Variants in APOO observed in about 807,000 individuals in gnomAD.
The protein encoded by APOO is MICOS complex subunit MIC26.
Under a neutral mutation model 23.1 loss-of-function variants are expected in APOO, and 11 were observed. The ratio of observed to expected loss-of-function variants is 0.48; its 90% CI spans 0.30 to 0.79. The LOEUF (loss-of-function observed/expected upper bound fraction) is 0.79. APOO is among the 30% of genes least tolerant of loss of function. APOO has a pLI of 0.07. For missense variants in APOO, 160 were observed against 142.7 expected (o/e 1.12, Z -0.62); for synonymous variants, 59 against 54.8 (o/e 1.08, Z -0.34).
intron 7 of APOO, among the ~76,000 whole-genome samples, chrX:23,844,174 A>T (rs932758870): frequency 1.8e-5 from 2 of 112,221 alleles, no homozygotes; most frequent in Non-Finnish European, 3.8e-5. Flanking sequence ...ACAGCAAGTA[A>T]GTGCTCAATA....
intron 2 of APOO, among the ~76,000 whole-genome samples, chrX:23,879,301 C>T (rs751289815): frequency 6.3e-5 from 7 of 110,999 alleles, no homozygotes; most frequent in African/African-American, 1.3e-4. Flanking sequence ...CCAGGTGTCG[C>T]GGTAGGCGCC....
chrX:23,871,002 T>C (rs924551642), intron 4 of APOO, among the ~76,000 whole-genome samples: 1 of 108,744 alleles, frequency 9.2e-6, no homozygotes, highest in Admixed American at 1.0e-4. Context: ...GGCAGGAGAA[T>C]CGCTTGAACC....
At chrX:23,877,136 C>A (rs747866964) in intron 3 of APOO, among the ~76,000 whole-genome samples, 18 of 108,937 alleles carry the variant, frequency 1.7e-4, no homozygotes, top group Admixed American at 3.0e-4. Context: ...GCCAAAAAAA[C>A]CAAACAAACA....
intron 5 of APOO, among the ~76,000 whole-genome samples, chrX:23,867,428 C>T (rs1046220312): frequency 2.7e-5 from 3 of 111,159 alleles, no homozygotes; most frequent in East Asian, 2.9e-4. Flanking sequence ...CCATGTGATG[C>T]GCCTGCTCCC....
chrX:23,854,048 T>C (rs1323627840), intron 7 of APOO, among the ~76,000 whole-genome samples: 1 of 112,212 alleles, frequency 8.9e-6, no homozygotes, highest in Non-Finnish European at 1.9e-5. Flanking sequence ...GGCAAGGGTA[T>C]AAAGACAGAG....
At chrX:23,873,055 AAATAAAAAATAAATAAAAT>A (rs939367397) in intron 4 of APOO, among the ~76,000 whole-genome samples, 1 of 110,705 alleles carries the variant, frequency 9.0e-6, no homozygotes, top group African/African-American at 3.3e-5. Context: ...TGTCTCAAAA[AAATAAAAAATAAATAAAAT>A]AATAAAAAAT....
intron 2 of APOO, among the ~76,000 whole-genome samples, chrX:23,880,084 T>G (rs1333258018): frequency 9.1e-6 from 1 of 109,878 alleles, no homozygotes; most frequent in African/African-American, 3.3e-5. Context: ...AATTTAGTAT[T>G]TATTAAGTAC....
chrX:23,871,381 AT>A (rs1487351595), intron 4 of APOO, among the ~76,000 whole-genome samples: 12 of 104,304 alleles, frequency 1.2e-4, no homozygotes, highest in Non-Finnish European at 2.3e-4. Flanking sequence ...AAAAAAAAAA[AT>A]ACTGGATGAA....
intron 1 of APOO, among the ~76,000 whole-genome samples, chrX:23,889,901 T>C (rs1020866814): frequency 9.1e-6 from 1 of 110,005 alleles, no homozygotes; most frequent in Non-Finnish European, 1.9e-5. Context: ...GACCTCGTGA[T>C]CCGCCCACCT....
intron 1 of APOO, among the ~76,000 whole-genome samples, chrX:23,882,091 T>G (rs1308857970): frequency 9.0e-6 from 1 of 111,282 alleles, no homozygotes; most frequent in Non-Finnish European, 1.9e-5. Context: ...ACAAACCACA[T>G]GAACTAATGT....
intron 7 of APOO, among the ~76,000 whole-genome samples, chrX:23,849,649 T>TG (rs1268679522): frequency 2.0e-5 from 2 of 99,230 alleles, no homozygotes; most frequent in Non-Finnish European, 3.9e-5. Flanking sequence ...CTCAGCACTT[T>TG]GGGAGGCCGA....
intron 3 of APOO, among the ~76,000 whole-genome samples, chrX:23,874,851 C>G (rs1925768861): frequency 8.9e-6 from 1 of 112,212 alleles, no homozygotes; most frequent in Non-Finnish European, 1.9e-5. Flanking sequence ...TTAATTAGAG[C>G]CTACATCTGG....
At chrX:23,837,596 TGAATATA>T (rs1187243538) in intron 8 of APOO, among the ~76,000 whole-genome samples, 1 of 108,305 alleles carries the variant, frequency 9.2e-6, no homozygotes, top group Non-Finnish European at 1.9e-5. Context: ...CATGTATGCA[TGAATATA>T]TTATAAATGT....
chrX:23,870,949 C>T lies in APOO; in HGVS notation c.293-2261G>A, dbSNP rs373242512. On this transcript the variant is annotated intron_variant, in intron 4 of 8. Transcript: ENST00000379226. Reference sequence around the variant, plus strand: ...ACTAAAAATACAAAAATTAGCCAGGCGTGGTGGCGTGTGCCTGTAATCCCA... The same window carrying T: ...ACTAAAAATACAAAAATTAGCCAGGTGTGGTGGCGTGTGCCTGTAATCCCA... 2.8e-4 allele frequency among the ~76,000 whole-genome samples: 31 copies of T among 109,126 alleles called. No homozygotes were observed. In the East Asian group the frequency reaches 5.8e-3, roughly 20 times the overall value. The allele number at this position is 109,126 out of a possible 115,157, so 94.8% of individuals were successfully genotyped here.
At chrX:23,858,087 G>A (rs767761482) in intron 6 of APOO, among the ~76,000 whole-genome samples, 15 of 110,829 alleles carry the variant, frequency 1.4e-4, no homozygotes, top group Non-Finnish European at 2.1e-4. Context: ...GCCTGCCACC[G>A]TGATAGACCT....
At chrX:23,866,862 C>T (rs1925359457) in intron 5 of APOO, among the ~76,000 whole-genome samples, 1 of 108,862 alleles carries the variant, frequency 9.2e-6, no homozygotes, top group African/African-American at 3.4e-5. Context: ...CACTTTGGGA[C>T]ACCGAGGCAG....
intron 5 of APOO, among the ~76,000 whole-genome samples, chrX:23,867,629 G>A (rs949160448): frequency 9.0e-6 from 1 of 110,940 alleles, no homozygotes; most frequent in African/African-American, 3.3e-5. Context: ...TGCAAGCCCC[G>A]TCTCCCAGGT....
chrX:23,883,492 C>A, intron 1 of APOO: 1 of 113,755 alleles, frequency 8.8e-6, no homozygotes, highest in South Asian at 3.3e-4. Flanking sequence ...AAACCACCTT[C>A]CCACTCCATA....
intron 5 of APOO, among the ~76,000 whole-genome samples, chrX:23,863,995 A>ATT (rs767260523): frequency 8.4e-5 from 8 of 95,421 alleles, no homozygotes; most frequent in Admixed American, 3.5e-4. Context: ...TGTGTTATTG[A>ATT]TTTTTTTTTT....
Sources: gnomAD v4.1 joint callset for allele counts (sites outside exome capture counted in the v4.1 genomes callset) on GRCh38, gnomAD v4.1.1 for gene constraint, MANE v1.5 for transcripts, NCBI Gene and HGNC (gene_info 2026-07-23, HGNC 2026-07-21) for gene names.